The following C8orf34 variants were observed in gnomAD, a reference collection of about 807,000 sequenced individuals.
C8orf34 encodes uncharacterized protein C8orf34.
A neutral mutation model predicts 68.3 loss-of-function variants in C8orf34; 65 were observed. The ratio of observed to expected loss-of-function variants is 0.95; its 90% CI spans 0.78 to 1.17. The LOEUF is 1.17. Among genes scored for constraint, C8orf34 ranks in the 50% most tolerant of loss-of-function variants. The pLI, the probability that C8orf34 is intolerant of heterozygous loss-of-function variation, is 0.00. For synonymous variants in C8orf34, 244 were observed against 241.2 expected (o/e 1.01, Z -0.11); for missense variants, 664 against 655.4 (o/e 1.01, Z -0.14).
At chr8:68,609,172 T>TCAAA (rs10656144) in intron 7 of C8orf34, among the ~76,000 whole-genome samples, 44,251 of 151,198 alleles carry the variant, frequency 0.29, 8,241 homozygotes, top group African/African-American at 0.55. Flanking sequence ...AGATTCCATC[T>TCAAA]CAAACAAACA....
intron 7 of C8orf34, among the ~76,000 whole-genome samples, chr8:68,588,155 G>T (rs909274126): frequency 6.6e-6 from 1 of 151,966 alleles, no homozygotes; most frequent in Non-Finnish European, 1.5e-5. Context: ...CCAAAATTTT[G>T]AGCGCATTTA....
intron 7 of C8orf34, among the ~76,000 whole-genome samples, chr8:68,587,582 T>A (rs920118686): frequency 6.6e-6 from 1 of 151,952 alleles, no homozygotes; most frequent in Admixed American, 6.6e-5. Context: ...ATAAAAAATA[T>A]AGATTCAAGA....
At chr8:68,701,541 G>A (rs746220295) in intron 8 of C8orf34, among the ~76,000 whole-genome samples, 2 of 151,574 alleles carry the variant, frequency 1.3e-5, no homozygotes, top group African/African-American at 4.8e-5. Context: ...TTTCACCCCC[G>A]AAGTCTAATT....
At chr8:68,386,146 T>C (rs1808250685) in intron 1 of C8orf34, among the ~76,000 whole-genome samples, 1 of 152,128 alleles carries the variant, frequency 6.6e-6, no homozygotes, top group Non-Finnish European at 1.5e-5. Context: ...GGCTTAAGCA[T>C]TCCTCACACC....
At chr8:68,708,953 A>T in intron 8 of C8orf34, 41 bp from the exon 9 acceptor site, 1 of 1,414,884 alleles carries the variant, frequency 7.1e-7, no homozygotes, top group Non-Finnish European at 9.9e-7. Flanking sequence ...TTCACAATTT[A>T]ACATTATGAG....
chr8:68,671,722 G>A (rs994732642), intron 8 of C8orf34, among the ~76,000 whole-genome samples: 6 of 151,896 alleles, frequency 4.0e-5, no homozygotes, highest in African/African-American at 9.7e-5. Flanking sequence ...TTTTATAATC[G>A]GGTAAGAGTT....
At chr8:68,527,368 C>T (rs914026228) in intron 6 of C8orf34, among the ~76,000 whole-genome samples, 6 of 152,102 alleles carry the variant, frequency 3.9e-5, no homozygotes, top group African/African-American at 4.8e-5. Flanking sequence ...GTCAGGAGGT[C>T]GAAACCATCC....
chr8:68,520,061 TC>T (rs1460833134), intron 5 of C8orf34, among the ~76,000 whole-genome samples: 1 of 152,204 alleles, frequency 6.6e-6, no homozygotes, highest in African/African-American at 2.4e-5. Flanking sequence ...TTGAAAACAT[TC>T]ATTTGATTGC....
At chr8:68,634,769 ATCT>A (rs1275076770) in intron 7 of C8orf34, among the ~76,000 whole-genome samples, 2 of 152,164 alleles carry the variant, frequency 1.3e-5, no homozygotes, top group African/African-American at 2.4e-5. Flanking sequence ...GAGCTCATTG[ATCT>A]TCTTTAAAAT....
At chr8:68,585,830 G>T (rs967502145) in intron 7 of C8orf34, among the ~76,000 whole-genome samples, 2 of 152,096 alleles carry the variant, frequency 1.3e-5, no homozygotes, top group Admixed American at 6.6e-5. Flanking sequence ...GGAGGAGAGA[G>T]ACAGAAAGAG....
chr8:68,654,124 G>A (rs1037631028), intron 8 of C8orf34, among the ~76,000 whole-genome samples: 28 of 151,976 alleles, frequency 1.8e-4, no homozygotes, highest in Admixed American at 7.9e-4. Context: ...AGATGAAATC[G>A]GTGCCCTTAT....
chr8:68,768,160 T>C (rs1490206709), intron 10 of C8orf34, among the ~76,000 whole-genome samples: 3 of 152,190 alleles, frequency 2.0e-5, no homozygotes, highest in Non-Finnish European at 4.4e-5. Context: ...AATTGTCCCA[T>C]CTTTGGCTCA....
chr8:68,740,206 C>T (rs200456532), intron 10 of C8orf34, among the ~76,000 whole-genome samples: 1 of 151,780 alleles, frequency 6.6e-6, no homozygotes, highest in Non-Finnish European at 1.5e-5. Context: ...AAAAATTTCA[C>T]GATAAAGATG....
intron 1 of C8orf34, among the ~76,000 whole-genome samples, chr8:68,415,914 A>G (rs1007715693): frequency 2.0e-5 from 3 of 152,168 alleles, no homozygotes; most frequent in Non-Finnish European, 2.9e-5. Context: ...AATCTTATGG[A>G]AGGAACTTGG....
intron 7 of C8orf34, among the ~76,000 whole-genome samples, chr8:68,615,487 T>C (rs1317177628): frequency 6.6e-6 from 1 of 152,104 alleles, no homozygotes; most frequent in Non-Finnish European, 1.5e-5. Flanking sequence ...TTATTGAGAG[T>C]TTTTAGCATG....
chr8:68,405,093 T>C (rs1007034561), intron 1 of C8orf34, among the ~76,000 whole-genome samples: 1 of 152,118 alleles, frequency 6.6e-6, no homozygotes, highest in Non-Finnish European at 1.5e-5. Context: ...ATCCCTTGTA[T>C]GTTGTATTCC....
chr8:68,655,454 C>T (rs188898625), intron 8 of C8orf34, among the ~76,000 whole-genome samples: 72 of 152,248 alleles, frequency 4.7e-4, no homozygotes, highest in African/African-American at 1.7e-3. Context: ...GTTCAACTTA[C>T]CATTTTTCAC....
At chr8:68,542,625 C>T (rs1815739656) in intron 7 of C8orf34, among the ~76,000 whole-genome samples, 1 of 152,086 alleles carries the variant, frequency 6.6e-6, no homozygotes, top group African/African-American at 2.4e-5. Flanking sequence ...AAGTTCTGTG[C>T]AACTCTATTT....
At chr8:68,724,127 G>A (rs1321872966) in intron 10 of C8orf34, among the ~76,000 whole-genome samples, 1 of 151,934 alleles carries the variant, frequency 6.6e-6, no homozygotes, top group African/African-American at 2.4e-5. Flanking sequence ...GGAAAGCATG[G>A]GTTAAATTAA....
Sources: gnomAD v4.1 joint callset for allele counts (sites outside exome capture counted in the v4.1 genomes callset) on GRCh38, gnomAD v4.1.1 for gene constraint, MANE v1.5 for transcripts, NCBI Gene and HGNC (gene_info 2026-07-23, HGNC 2026-07-21) for gene names.